HIF1AN: variants seen among roughly 807,000 people sequenced by gnomAD.
HIF1AN encodes the protein hypoxia inducible factor 1 subunit alpha inhibitor.
HIF1AN carries 21 observed loss-of-function variants against 47.7 expected under a neutral mutation model. That is an observed-to-expected ratio of 0.44 (90% CI 0.31 to 0.63). The LOEUF is 0.63. Ranked by LOEUF, HIF1AN falls within the 30% of genes least tolerant of loss-of-function variation. The probability of loss-of-function intolerance (pLI) is 0.07; values close to 1 mark genes in which losing one functional copy is unlikely to be tolerated. For missense variants in HIF1AN, 320 were observed against 432.7 expected (o/e 0.74, Z 2.31); for synonymous variants, 152 against 155.9 (o/e 0.98, Z 0.18).
At chr10:100,540,966 G>A (rs976207679) in intron 3 of HIF1AN, among the ~76,000 whole-genome samples, 184 bp downstream of exon 3, 10 of 152,222 alleles carry the variant, frequency 6.6e-5, no homozygotes, top group African/African-American at 2.2e-4. Flanking sequence ...TGTAATCCCA[G>A]CAGTTTGGGA....
Position 100,540,791 on chromosome 10 carries a change from T to C in HIF1AN, c.577+9T>C, listed in dbSNP as rs765077968. 1.9e-6 allele frequency: 3 copies of C among 1,600,996 alleles called. No individual in the cohort carries two copies. The highest frequency in any genetic ancestry group is 2.6e-6 in the Non-Finnish European group (3 of 1,176,422). On this transcript the variant is annotated intron_variant, in intron 3 of 7. Transcript: ENST00000299163. Reference sequence around the variant, plus strand: ...GCTCATTGGCATGGAAGGTAAGAAATCTTTCAAAAGCAGCATGGCTTGGAG... The same window carrying C: ...GCTCATTGGCATGGAAGGTAAGAAACCTTTCAAAAGCAGCATGGCTTGGAG...
chr10:100,547,035 C>G, intron 6 of HIF1AN, 105 bp from the exon 7 acceptor site: 1 of 823,534 alleles, frequency 1.2e-6, no homozygotes, highest in Non-Finnish European at 1.9e-6. Flanking sequence ...TCACCGTGCC[C>G]GGCAAGAATT....
At position 100,547,136 on chromosome 10, in the gene HIF1AN, G is replaced by A. The variant is rs770189666; in HGVS notation, c.895-4G>A. The A allele has an allele frequency of 2.4e-5, 39 of 1,607,828 alleles. No homozygotes were observed. The East Asian group carries it at 8.0e-4, about 33-fold the overall frequency. ...CATTTCCTGAGCTACTGCTTCCTTT[G>A]TAGGGGGCTCCCACCCCTAAGAGAA... On this transcript the variant is annotated splice_region_variant and splice_polypyrimidine_tract_variant and intron_variant, in intron 6 of 7. Transcript: ENST00000299163.
intron 3 of HIF1AN, among the ~76,000 whole-genome samples, chr10:100,541,021 C>T (rs61871563): frequency 1.4e-3 from 219 of 151,414 alleles, no homozygotes; most frequent in Admixed American, 2.8e-3. Flanking sequence ...GAGACCATCC[C>T]GGCCAACATC....
chr10:100,547,035 C>T lies in HIF1AN; in HGVS notation c.895-105C>T, dbSNP rs182393931. On this transcript the variant is annotated intron_variant, in intron 6 of 7. Coordinates refer to ENST00000299163, the MANE Select transcript of HIF1AN (RefSeq NM_017902.3). ...GATTATAGGCCTGAGTCACCGTGCC[C>T]GGCAAGAATTGGGTTTCTTAGAAGG... is the stretch of plus-strand genomic sequence containing the variant. 5.0e-5 allele frequency: 41 copies of T among 823,534 alleles called. No homozygotes were observed. In the East Asian group the frequency reaches 5.7e-4, roughly 11 times the overall value. 51.0% of individuals were successfully genotyped at this position (823,534 alleles called of 1,614,324 possible).
At position 100,558,590 on chromosome 10, in the gene HIF1AN, G is replaced by A. The variant is rs148428955; in HGVS notation, c.*10453G>A. On this transcript the variant is annotated 3_prime_UTR_variant, in exon 8 of 8. Coordinates refer to ENST00000299163, the MANE Select transcript of HIF1AN (RefSeq NM_017902.3). The stretch of plus-strand genomic sequence containing the variant: ...TAGATGGGATTCTAGACTTCTGTGA[G>A]AAAGTGCAGTTAGGCCCTGAATAGC... 1 of 152,220 alleles carries A rather than the reference G, an allele frequency of 6.6e-6. No individual in the cohort carries two copies. The highest frequency in any genetic ancestry group is 2.4e-5 in the African/African-American group (1 of 41,458). 9.4% of individuals were successfully genotyped at this position (152,220 alleles called of 1,614,324 possible). A position where few individuals can be genotyped will look rare whatever the true frequency, so the allele number is the denominator to read the frequency against.
intron 2 of HIF1AN, among the ~76,000 whole-genome samples, chr10:100,539,144 C>G (rs1404665864): frequency 1.3e-5 from 2 of 152,158 alleles, no homozygotes; most frequent in Non-Finnish European, 2.9e-5. Context: ...GTTGCCCAGG[C>G]TGGTCTCGAA....
chr10:100,537,656 T>C (rs1852241981), intron 2 of HIF1AN, among the ~76,000 whole-genome samples: 1 of 152,224 alleles, frequency 6.6e-6, no homozygotes, highest in Non-Finnish European at 1.5e-5. Context: ...AGTCCCACAC[T>C]ATAACACTGC....
rs1344097211 is a variant in HIF1AN, at chr10:100,558,576, C to T, written c.*10439C>T. 6.6e-6 allele frequency: 1 copy of T among 152,180 alleles called. No homozygotes were observed. 9.4% of individuals were successfully genotyped at this position (152,180 alleles called of 1,614,324 possible). On this transcript the variant is annotated 3_prime_UTR_variant, in exon 8 of 8. Coordinates refer to ENST00000299163, the MANE Select transcript of HIF1AN (RefSeq NM_017902.3). ...GGTATCTGACAGCCTAGATGGGATT[C>T]TAGACTTCTGTGAGAAAGTGCAGTT... is the stretch of plus-strand genomic sequence containing the variant.
At position 100,554,207 on chromosome 10, in the gene HIF1AN, T is replaced by G. The variant is rs1843194156; in HGVS notation, c.*6070T>G. 1.3e-5 allele frequency: 2 copies of G among 152,184 alleles called. No homozygotes were observed. Among genetic ancestry groups the G allele is most frequent in the African/African-American group, 4.8e-5 (2 of 41,444 alleles). The allele number at this position is 152,184 out of a possible 1,614,324, so 9.4% of individuals were successfully genotyped here. On this transcript the variant is annotated 3_prime_UTR_variant, in exon 8 of 8. Coordinates refer to ENST00000299163, the MANE Select transcript of HIF1AN (RefSeq NM_017902.3). Reference sequence around the variant, plus strand: ...AGGTCTGAGCTCCCCTTGCACTGTGTGAGAGGCCGTGGAGCCGAATGAGTC... The same window carrying G: ...AGGTCTGAGCTCCCCTTGCACTGTGGGAGAGGCCGTGGAGCCGAATGAGTC...
chr10:100,559,143 T>G lies in HIF1AN; in HGVS notation c.*11006T>G, dbSNP rs1843237880. 6.6e-6 allele frequency: 1 copy of G among 152,124 alleles called. No homozygotes were observed. The highest frequency in any genetic ancestry group is 1.5e-5 in the Non-Finnish European group (1 of 68,024). The allele number at this position is 152,124 out of a possible 1,614,324, so 9.4% of individuals were successfully genotyped here. A position where few individuals can be genotyped will look rare whatever the true frequency, so the allele number is the denominator to read the frequency against. On this transcript the variant is annotated 3_prime_UTR_variant, in exon 8 of 8. Coordinates refer to ENST00000299163, the MANE Select transcript of HIF1AN (RefSeq NM_017902.3). The stretch of plus-strand genomic sequence containing the variant: ...AAGTCTTTCTGTAGTTTTAGAACAT[T>G]TAGAACAACTTAAGATTTCCTGTAT...
At chr10:100,545,756 A>G (rs543356036) in intron 4 of HIF1AN, among the ~76,000 whole-genome samples, 187 bp from the exon 5 acceptor site, 2 of 152,176 alleles carry the variant, frequency 1.3e-5, no homozygotes, top group African/African-American at 2.4e-5. Flanking sequence ...GGACTGTCTT[A>G]TATTGTTCTC....
rs977758074 is a variant in HIF1AN, at chr10:100,554,864, T to C, written c.*6727T>C. ...AGATTGTTCTAGGGGAGAAGGGCAA[T>C]CAAAATTCAGAAAAATATGAGTGGG... On this transcript the variant is annotated 3_prime_UTR_variant, in exon 8 of 8. Coordinates refer to ENST00000299163, the MANE Select transcript of HIF1AN (RefSeq NM_017902.3). 4 of 151,328 alleles carry C rather than the reference T, an allele frequency of 2.6e-5. No homozygotes were observed. Among genetic ancestry groups the C allele is most frequent in the Admixed American group, 2.6e-4 (4 of 15,192 alleles). The allele number at this position is 151,328 out of a possible 1,614,324, so 9.4% of individuals were successfully genotyped here. A position where few individuals can be genotyped will look rare whatever the true frequency, so the allele number is the denominator to read the frequency against.
At chr10:100,545,834 G>GTT (rs774849849) in intron 4 of HIF1AN, 109 bp from the exon 5 acceptor site, 33 of 636,872 alleles carry the variant, frequency 5.2e-5, no homozygotes, top group African/African-American at 2.1e-4. Context: ...TTAAGGCATC[G>GTT]TTTTTTTTTT....
chr10:100,536,381 T>G, intron 1 of HIF1AN, 30 bp from the exon 2 acceptor site: 1 of 1,608,830 alleles, frequency 6.2e-7, no homozygotes, highest in South Asian at 1.1e-5. Flanking sequence ...TTACTTCATT[T>G]GGTGTTTTTC....
rs1192422822 is a variant in HIF1AN at position 100,558,042 on chromosome 10, A to G, written c.*9905A>G. The G allele has an allele frequency of 6.6e-6, 1 of 152,298 alleles. No individual in the cohort carries two copies. The highest frequency in any genetic ancestry group is 1.5e-5 in the Non-Finnish European group (1 of 68,110). The allele number at this position is 152,298 out of a possible 1,614,324, so 9.4% of individuals were successfully genotyped here. ...CATGGAGAAGGGAGCAGGACTCCAC[A>G]GTACTGGAGATGGAGTAGGGACCTC... is the stretch of plus-strand genomic sequence containing the variant. On this transcript the variant is annotated 3_prime_UTR_variant, in exon 8 of 8. Transcript: ENST00000299163.
rs764916465 is a variant in HIF1AN at position 100,542,422 on chromosome 10, C to T, written c.577+1640C>T. The stretch of plus-strand genomic sequence containing the variant: ...AGGCTGGAGTGCAGTGGCGCGATCT[C>T]GGCTCACTACAAGCTCCGCCTCCCA... On this transcript the variant is annotated intron_variant, in intron 3 of 7. Transcript: ENST00000299163. Among the ~76,000 whole-genome samples the T allele has an allele frequency of 1.1e-4, 16 of 152,234 alleles. 1 individual carries two copies. Among genetic ancestry groups the T allele is most frequent in the Admixed American group, 4.6e-4 (7 of 15,288 alleles).
chr10:100,539,892 T>G (rs1401048388), intron 2 of HIF1AN, among the ~76,000 whole-genome samples: 1 of 152,256 alleles, frequency 6.6e-6, no homozygotes, highest in Non-Finnish European at 1.5e-5. Flanking sequence ...GGAGTGAGAC[T>G]GATTCATCAT....
At chr10:100,539,731 GCCAGAGCAGCGT>G (rs1240079068) in intron 2 of HIF1AN, among the ~76,000 whole-genome samples, 1 of 152,134 alleles carries the variant, frequency 6.6e-6, no homozygotes, top group Non-Finnish European at 1.5e-5. Flanking sequence ...CATTTCCTTG[GCCAGAGCAGCGT>G]AAATAAGCAA....
Sources: gnomAD v4.1 joint callset for allele counts (sites outside exome capture counted in the v4.1 genomes callset) on GRCh38, gnomAD v4.1.1 for gene constraint, MANE v1.5 for transcripts, NCBI Gene and HGNC (gene_info 2026-07-23, HGNC 2026-07-21) for gene names.